The following TNFAIP8 variants were observed in gnomAD, a reference collection of about 807,000 sequenced individuals.
TNFAIP8 encodes the protein TNF alpha induced protein 8.
Under a neutral mutation model 13.3 loss-of-function variants are expected in TNFAIP8, and 7 were observed. The ratio of observed to expected loss-of-function variants is 0.52; its 90% CI spans 0.30 to 0.99. The LOEUF (loss-of-function observed/expected upper bound fraction) is 0.99. Ranked by LOEUF, TNFAIP8 falls within the 50% of genes least tolerant of loss-of-function variation. TNFAIP8 has a pLI of 0.07. For missense variants in TNFAIP8, 258 were observed against 236.9 expected (o/e 1.09, Z -0.58); for synonymous variants, 94 against 87.6 (o/e 1.07, Z -0.41).
chr5:119,347,235 A>G (rs555123723), intron 1 of TNFAIP8, among the ~76,000 whole-genome samples: 30 of 152,308 alleles, frequency 2.0e-4, no homozygotes, highest in African/African-American at 7.2e-4. Flanking sequence ...GGGAACAGCA[A>G]ATTCCCAGCT....
intron 1 of TNFAIP8, among the ~76,000 whole-genome samples, chr5:119,361,180 T>G (rs529676851): frequency 1.2e-4 from 19 of 152,186 alleles, no homozygotes; most frequent in Non-Finnish European, 5.9e-5. Context: ...CCCGGTGCAC[T>G]CTGGGAGTCA....
chr5:119,270,870 A>C (rs904697375), intron 1 of TNFAIP8, among the ~76,000 whole-genome samples: 3 of 152,242 alleles, frequency 2.0e-5, no homozygotes, highest in Non-Finnish European at 4.4e-5. Flanking sequence ...AGGTTCTACC[A>C]AAAGCATAGT....
intron 1 of TNFAIP8, among the ~76,000 whole-genome samples, chr5:119,366,990 T>C (rs1751882366): frequency 6.6e-6 from 1 of 152,184 alleles, no homozygotes; most frequent in Non-Finnish European, 1.5e-5. Context: ...TGAAACAAGC[T>C]GGCTAGTTTC....
intron 1 of TNFAIP8, among the ~76,000 whole-genome samples, chr5:119,279,641 G>A (rs979370273): frequency 1.3e-5 from 2 of 152,072 alleles, no homozygotes; most frequent in Admixed American, 6.6e-5. Context: ...CTATTCACAG[G>A]CACAATCATA....
chr5:119,308,953 G>A (rs759821719), intron 1 of TNFAIP8, among the ~76,000 whole-genome samples: 7 of 152,038 alleles, frequency 4.6e-5, no homozygotes, highest in Admixed American at 6.6e-5. Context: ...GCTCTCTCCA[G>A]TTATCTATCA....
In TNFAIP8 at chr5:119,361,258, T is replaced by C. The variant is rs180829615; in HGVS notation, c.31+5137T>C. Reference sequence around the variant, plus strand: ...GCCCCCCCAGCCGCTGACCAAGATATCTGAAAGAGCAATTGCTTAAATTTT... The same window carrying C: ...GCCCCCCCAGCCGCTGACCAAGATACCTGAAAGAGCAATTGCTTAAATTTT... On this transcript the variant is annotated intron_variant, in intron 1 of 1. Transcript: ENST00000504771. Among the ~76,000 whole-genome samples the C allele has an allele frequency of 2.9e-3, 444 of 152,276 alleles. 1 individual carries two copies. The highest frequency in any genetic ancestry group is 0.01 in the African/African-American group (428 of 41,564).
chr5:119,354,389 A>G (rs1280284501), upstream of TNFAIP8: 1 of 152,166 alleles, frequency 6.6e-6, no homozygotes, highest in Non-Finnish European at 1.5e-5. Context: ...TTGAGATAAC[A>G]TGTTAGAATC....
chr5:119,350,504 C>G (rs1470247140), intron 1 of TNFAIP8, among the ~76,000 whole-genome samples: 1 of 152,148 alleles, frequency 6.6e-6, no homozygotes, highest in Non-Finnish European at 1.5e-5. Flanking sequence ...ATAAATTGTT[C>G]AGATAATATT....
At chr5:119,307,686 A>G (rs1561994038) in intron 1 of TNFAIP8, among the ~76,000 whole-genome samples, 1 of 152,262 alleles carries the variant, frequency 6.6e-6, no homozygotes, top group Non-Finnish European at 1.5e-5. Context: ...CTTTTCCCCA[A>G]AAAATTCTGC....
At chr5:119,283,607 G>A (rs1232947598) in intron 1 of TNFAIP8, among the ~76,000 whole-genome samples, 2 of 152,320 alleles carry the variant, frequency 1.3e-5, no homozygotes, top group East Asian at 1.9e-4. Flanking sequence ...AAGAGAGTCG[G>A]TGATATGGAA....
intron 1 of TNFAIP8, among the ~76,000 whole-genome samples, chr5:119,314,854 T>C (rs1581597524): frequency 6.6e-6 from 1 of 152,230 alleles, no homozygotes. Flanking sequence ...CATAGTAAAG[T>C]ACTGTACTCA....
intron 1 of TNFAIP8, among the ~76,000 whole-genome samples, chr5:119,315,071 T>G (rs1233285144): frequency 3.3e-5 from 5 of 149,668 alleles, no homozygotes; most frequent in Admixed American, 3.3e-4. Flanking sequence ...TGTGGTTTTT[T>G]GTTTTGTTTT....
intron 1 of TNFAIP8, among the ~76,000 whole-genome samples, chr5:119,299,740 C>T (rs1749300372): frequency 6.6e-6 from 1 of 152,212 alleles, no homozygotes; most frequent in Non-Finnish European, 1.5e-5. Context: ...GGCAGGCCTC[C>T]TTGAGCTGTG....
chr5:119,296,031 G>A (rs1417680463), intron 1 of TNFAIP8, among the ~76,000 whole-genome samples: 1 of 150,048 alleles, frequency 6.7e-6, no homozygotes, highest in Non-Finnish European at 1.5e-5. Flanking sequence ...TTTGGGCTGA[G>A]ACAATGGGGT....
chr5:119,356,870 GA>G, intron 1 of TNFAIP8, among the ~76,000 whole-genome samples: 1 of 152,124 alleles, frequency 6.6e-6, no homozygotes, highest in Admixed American at 6.5e-5. Context: ...TTTGTTCCTT[GA>G]AACTTTATGT....
chr5:119,310,104 C>G (rs1749684552), intron 1 of TNFAIP8, among the ~76,000 whole-genome samples: 2 of 152,048 alleles, frequency 1.3e-5, no homozygotes, highest in South Asian at 4.1e-4. Context: ...GTTTTCTTCC[C>G]CAAGGAGATG....
At chr5:119,309,831 G>A (rs566263873) in intron 1 of TNFAIP8, among the ~76,000 whole-genome samples, 104 of 152,360 alleles carry the variant, frequency 6.8e-4, no homozygotes, top group African/African-American at 2.5e-3. Context: ...GCGGGCTCAA[G>A]AAGTCTGGGG....
chr5:119,348,816 G>A (rs746425403), intron 1 of TNFAIP8, among the ~76,000 whole-genome samples: 9 of 144,508 alleles, frequency 6.2e-5, no homozygotes, highest in Non-Finnish European at 1.0e-4. Flanking sequence ...GGAGGCAGAC[G>A]TTGCAGTGAG....
intron 1 of TNFAIP8, among the ~76,000 whole-genome samples, chr5:119,298,603 A>G (rs990884518): frequency 6.6e-6 from 1 of 151,862 alleles, no homozygotes; most frequent in South Asian, 2.1e-4. Context: ...GCTCTTCTCG[A>G]GGAGTATCTT....
Sources: allele counts gnomAD v4.1 joint callset (sites outside exome capture counted in the v4.1 genomes callset), GRCh38; gene constraint gnomAD v4.1.1; transcripts MANE v1.5; gene names NCBI Gene and HGNC (gene_info 2026-07-23, HGNC 2026-07-21).